NTNG1: variants seen among roughly 807,000 people sequenced by gnomAD.
NTNG1 encodes the protein netrin G1.
A neutral mutation model predicts 54.0 loss-of-function variants in NTNG1; 16 were observed. That is an observed-to-expected ratio of 0.30 (90% CI 0.20 to 0.45). NTNG1 has a LOEUF of 0.45. NTNG1 is among the 20% of genes least tolerant of loss of function. The pLI is 1.00. For synonymous variants in NTNG1, 255 were observed against 263.1 expected (o/e 0.97, Z 0.30); for missense variants, 530 against 678.7 (o/e 0.78, Z 2.43).
intron 4 of NTNG1, among the ~76,000 whole-genome samples, chr1:107,399,920 C>A (rs929597770): frequency 1.3e-5 from 2 of 152,094 alleles, no homozygotes; most frequent in Admixed American, 1.3e-4. Context: ...TGTTATTTTT[C>A]TGCCTTCAAA....
chr1:107,150,667 G>A (rs1032236489), intron 2 of NTNG1, among the ~76,000 whole-genome samples: 1 of 152,160 alleles, frequency 6.6e-6, no homozygotes, highest in African/African-American at 2.4e-5. Context: ...ATTTGTGGGT[G>A]CAGCTTCCCT....
At chr1:107,379,818 G>A (rs1671534359) in intron 3 of NTNG1, among the ~76,000 whole-genome samples, 1 of 152,202 alleles carries the variant, frequency 6.6e-6, no homozygotes, top group Admixed American at 6.5e-5. Context: ...CCTGCTAGCA[G>A]GTGGTAAAGC....
At position 107,482,077 on chromosome 1, in the gene NTNG1, A is replaced by G. The variant is rs1678759939; in HGVS notation, c.*1237A>G. On this transcript the variant is annotated 3_prime_UTR_variant, in exon 8 of 8. Coordinates refer to ENST00000370068, the MANE Select transcript of NTNG1 (RefSeq NM_001113226.3). ...CAGCAAAAAAAAAAAAAAAAAAAAA[A>G]AAAAATCTAAGTGATTGCCAAGATT... is the stretch of plus-strand genomic sequence containing the variant. 1 of 140,720 alleles carries G rather than the reference A, an allele frequency of 7.1e-6. No homozygotes were observed. The highest frequency in any genetic ancestry group is 2.3e-4 in the South Asian group (1 of 4,388). The allele number at this position is 140,720 out of a possible 1,614,324, so 8.7% of individuals were successfully genotyped here.
intron 7 of NTNG1, 31 bp downstream of exon 7, chr1:107,436,830 G>A: frequency 1.9e-6 from 3 of 1,608,184 alleles, no homozygotes; most frequent in Non-Finnish European, 2.6e-6. Flanking sequence ...CCCTCTGCCT[G>A]CTGCAGCATG....
In NTNG1 at chr1:107,272,483, TG is replaced by T. The variant is rs1313359352; in HGVS notation, c.247-51797del. On this transcript the variant is annotated intron_variant, in intron 2 of 7. Transcript: ENST00000370068. The stretch of plus-strand genomic sequence containing the variant: ...CTTAGAAAGAATTCCACTGGGAACA[TG>T]GTATTCAAATCAGCCCTCCAGGGCA... 1.3e-4 allele frequency among the ~76,000 whole-genome samples: 20 copies of T among 152,212 alleles called. No individual in the cohort carries two copies. In the East Asian group the frequency reaches 3.9e-3, roughly 29 times the overall value.
At position 107,312,427 on chromosome 1, in the gene NTNG1, A is replaced by G. The variant is rs185922553; in HGVS notation, c.247-11855A>G. ...GCTAAGCACTTAACGTGCATTATAT[A>G]ATTGTATCTCAAATTAGCATCATTA... On this transcript the variant is annotated intron_variant, in intron 2 of 7. Coordinates refer to ENST00000370068, the MANE Select transcript of NTNG1 (RefSeq NM_001113226.3). 4.0e-5 allele frequency among the ~76,000 whole-genome samples: 6 copies of G among 150,640 alleles called. No individual in the cohort carries two copies. In the East Asian group the frequency reaches 1.2e-3, roughly 30 times the overall value.
intron 2 of NTNG1, among the ~76,000 whole-genome samples, chr1:107,209,889 T>C (rs1199872099): frequency 7.8e-5 from 1 of 12,840 alleles, no homozygotes; most frequent in Non-Finnish European, 6.9e-3. Context: ...CAATACAGAC[T>C]TCTTTTTTTT....
chr1:107,309,056 A>G (rs1412454180), intron 2 of NTNG1, among the ~76,000 whole-genome samples: 1 of 152,102 alleles, frequency 6.6e-6, no homozygotes, highest in Non-Finnish European at 1.5e-5. Context: ...TGAATCTTCC[A>G]TCATCTTGCT....
intron 1 of NTNG1, among the ~76,000 whole-genome samples, chr1:107,145,919 G>A (rs1458399812): frequency 1.3e-5 from 2 of 152,006 alleles, no homozygotes; most frequent in African/African-American, 4.8e-5. Context: ...AGATAGCAAA[G>A]GGTTCACATA....
intron 2 of NTNG1, among the ~76,000 whole-genome samples, chr1:107,198,262 C>T (rs1001168149): frequency 2.6e-5 from 4 of 151,876 alleles, no homozygotes; most frequent in Non-Finnish European, 4.4e-5. Flanking sequence ...GTGCTCTTGG[C>T]TTGACTTCAA....
intron 2 of NTNG1, among the ~76,000 whole-genome samples, chr1:107,242,213 G>A (rs1389439479): frequency 1.3e-5 from 2 of 152,070 alleles, no homozygotes; most frequent in Non-Finnish European, 2.9e-5. Flanking sequence ...GGTTGGGGAG[G>A]CTTGAGGTGA....
chr1:107,399,894 T>C (rs1439196415), intron 4 of NTNG1, among the ~76,000 whole-genome samples: 1 of 152,140 alleles, frequency 6.6e-6, no homozygotes, highest in East Asian at 1.9e-4. Context: ...ACCTGCCCTC[T>C]TCCTTCATCT....
chr1:107,450,797 T>C (rs1040361312), intron 7 of NTNG1, among the ~76,000 whole-genome samples: 1 of 152,114 alleles, frequency 6.6e-6, no homozygotes, highest in Non-Finnish European at 1.5e-5. Context: ...TAGCAGCAAT[T>C]CTTCATCAAT....
At position 107,482,957 on chromosome 1, in the gene NTNG1, A is replaced by G. The variant is rs1476277378; in HGVS notation, c.*2117A>G. 1 of 152,224 alleles carries G rather than the reference A, an allele frequency of 6.6e-6. No homozygotes were observed. Among genetic ancestry groups the G allele is most frequent in the African/African-American group, 2.4e-5 (1 of 41,458 alleles). 9.4% of individuals were successfully genotyped at this position (152,224 alleles called of 1,614,324 possible). ...GATGTAAGAAATAAGGAAAGATGGAAATAAATTAGAGCTTAGGCTTAGTGC... is the reference window on the plus strand; with the variant it reads ...GATGTAAGAAATAAGGAAAGATGGAGATAAATTAGAGCTTAGGCTTAGTGC... On this transcript the variant is annotated 3_prime_UTR_variant, in exon 8 of 8. Coordinates refer to ENST00000370068, the MANE Select transcript of NTNG1 (RefSeq NM_001113226.3).
In NTNG1 at chr1:107,476,175, T is replaced by C. The variant is rs905287541; in HGVS notation, c.1391-4436T>C. ...AGGAAGACTTCTGCGGTTAATTTCA[T>C]ACCTTCATAGGATCACTGCATTTTT... On this transcript the variant is annotated intron_variant, in intron 7 of 7. Transcript: ENST00000370068. Among the ~76,000 whole-genome samples the C allele has an allele frequency of 2.6e-5, 4 of 152,226 alleles. No homozygotes were observed. The East Asian group carries it at 7.7e-4, about 29-fold the overall frequency.
At chr1:107,192,151 G>T (rs925842750) in intron 2 of NTNG1, among the ~76,000 whole-genome samples, 1 of 152,078 alleles carries the variant, frequency 6.6e-6, no homozygotes, top group Non-Finnish European at 1.5e-5. Context: ...GACATCCCTT[G>T]TAAGTTGGAT....
intron 3 of NTNG1, among the ~76,000 whole-genome samples, chr1:107,376,619 T>G (rs1276851263): frequency 6.6e-6 from 1 of 152,216 alleles, no homozygotes; most frequent in Admixed American, 6.5e-5. Flanking sequence ...CTTTAGAATT[T>G]ACACTGGCCC....
At chr1:107,168,748 C>A (rs1655998462) in intron 2 of NTNG1, among the ~76,000 whole-genome samples, 1 of 152,104 alleles carries the variant, frequency 6.6e-6, no homozygotes, top group Non-Finnish European at 1.5e-5. Flanking sequence ...AGTCTCTTAA[C>A]CATAAAGGGC....
intron 2 of NTNG1, among the ~76,000 whole-genome samples, chr1:107,271,059 G>T (rs1025874225): frequency 6.6e-6 from 1 of 151,938 alleles, no homozygotes; most frequent in Non-Finnish European, 1.5e-5. Flanking sequence ...ACCACAAAAA[G>T]TAGAAAACAA....
Sources: allele counts gnomAD v4.1 joint callset (sites outside exome capture counted in the v4.1 genomes callset), GRCh38; gene constraint gnomAD v4.1.1; transcripts MANE v1.5; gene names NCBI Gene and HGNC (gene_info 2026-07-23, HGNC 2026-07-21).